Variants in NRXN3 observed in about 807,000 individuals in gnomAD.
NRXN3 encodes the protein neurexin III.
Under a neutral mutation model 137.6 loss-of-function variants are expected in NRXN3, and 32 were observed. That is an observed-to-expected ratio of 0.23 (90% CI 0.18 to 0.31). The LOEUF is 0.31. Ranked by LOEUF, NRXN3 falls within the 10% of genes least tolerant of loss-of-function variation. The probability of loss-of-function intolerance (pLI) is 1.00; values close to 1 mark genes in which losing one functional copy is unlikely to be tolerated. For synonymous variants in NRXN3, 798 were observed against 784.5 expected (o/e 1.02, Z -0.29); for missense variants, 1,574 against 2,062.5 (o/e 0.76, Z 4.59).
At chr14:78,629,885 T>C (rs1858362891) in intron 4 of NRXN3, among the ~76,000 whole-genome samples, 2 of 152,254 alleles carry the variant, frequency 1.3e-5, no homozygotes, top group East Asian at 1.9e-4. Flanking sequence ...ATTGTTCATG[T>C]AATTACTAGT....
intron 4 of NRXN3, among the ~76,000 whole-genome samples, chr14:78,327,967 TG>T (rs34461711): frequency 0.44 from 67,255 of 151,960 alleles, 15,083 homozygotes; most frequent in East Asian, 0.68. Context: ...ACAATGTGTA[TG>T]GGCTGCAAAA....
At chr14:78,800,647 T>C (rs1050741587) in intron 8 of NRXN3, among the ~76,000 whole-genome samples, 2 of 152,250 alleles carry the variant, frequency 1.3e-5, no homozygotes, top group African/African-American at 4.8e-5. Context: ...TTTTCAGGAC[T>C]ATCATAAGTG....
intron 19 of NRXN3, 70 bp downstream of exon 19, chr14:79,698,007 CT>C: frequency 7.4e-7 from 1 of 1,356,494 alleles, no homozygotes; most frequent in Non-Finnish European, 1.0e-6. Context: ...ATGGTCATTG[CT>C]TTATGTAGCT....
At chr14:78,479,985 CA>C (rs1417174037) in intron 4 of NRXN3, among the ~76,000 whole-genome samples, 1 of 151,972 alleles carries the variant, frequency 6.6e-6, no homozygotes, top group Non-Finnish European at 1.5e-5. Flanking sequence ...CTAAAAAATA[CA>C]AAAATTAGCC....
chr14:79,504,200 C>T (rs2096851114), intron 16 of NRXN3, among the ~76,000 whole-genome samples: 1 of 152,180 alleles, frequency 6.6e-6, no homozygotes, highest in Non-Finnish European at 1.5e-5. Context: ...ACTCTAAGCA[C>T]TTAAGACAAA....
chr14:79,754,470 A>G (rs982463698), intron 19 of NRXN3, among the ~76,000 whole-genome samples: 5 of 141,420 alleles, frequency 3.5e-5, no homozygotes, highest in Non-Finnish European at 7.6e-5. Context: ...CCCTTGATGG[A>G]TACAGAGGGA....
intron 16 of NRXN3, among the ~76,000 whole-genome samples, chr14:79,475,337 A>G (rs998749500): frequency 6.6e-6 from 1 of 152,150 alleles, no homozygotes; most frequent in Non-Finnish European, 1.5e-5. Flanking sequence ...TTTCTCATTT[A>G]TGGTTCATAC....
At chr14:78,868,137 G>A (rs570899358) in intron 10 of NRXN3, among the ~76,000 whole-genome samples, 4 of 151,286 alleles carry the variant, frequency 2.6e-5, no homozygotes, top group South Asian at 4.2e-4. Context: ...TATTACAGGA[G>A]CCTTATCCAG....
In NRXN3 at chr14:79,866,062, G is replaced by T. The variant is rs1219705071; in HGVS notation, c.*4098G>T. On this transcript the variant is annotated 3_prime_UTR_variant, in exon 21 of 21. Transcript: ENST00000335750. ...GTCTACTATTGGCTATTGTTACTTT[G>T]TTTCAATGAAGGCAGAAAATGGCTA... The T allele has an allele frequency of 1.3e-5, 2 of 152,066 alleles. No homozygotes were observed. Among genetic ancestry groups the T allele is most frequent in the Non-Finnish European group, 2.9e-5 (2 of 67,990 alleles). 9.4% of individuals were successfully genotyped at this position (152,066 alleles called of 1,614,324 possible).
intron 15 of NRXN3, among the ~76,000 whole-genome samples, chr14:79,098,971 A>G (rs2050810300): frequency 6.6e-6 from 1 of 152,154 alleles, no homozygotes; most frequent in Non-Finnish European, 1.5e-5. Context: ...TCACCCTTTA[A>G]TCAATCGATT....
At chr14:78,679,229 C>T (rs1224345310) in intron 6 of NRXN3, among the ~76,000 whole-genome samples, 1 of 152,190 alleles carries the variant, frequency 6.6e-6, no homozygotes, top group Non-Finnish European at 1.5e-5. Flanking sequence ...TCCTTATCTT[C>T]TCTCTAGAGT....
At chr14:78,884,055 A>G (rs1192448916) in intron 10 of NRXN3, among the ~76,000 whole-genome samples, 1 of 152,184 alleles carries the variant, frequency 6.6e-6, no homozygotes, top group Non-Finnish European at 1.5e-5. Context: ...TGTATCCCTT[A>G]AAATAAAAAC....
chr14:78,566,627 G>A (rs1054071958), intron 4 of NRXN3, among the ~76,000 whole-genome samples: 3 of 152,158 alleles, frequency 2.0e-5, no homozygotes, highest in Non-Finnish European at 4.4e-5. Flanking sequence ...CGAGCTCTGC[G>A]TGCTTGCCCC....
rs151197180 is a variant in NRXN3, at chr14:78,702,451, C to CTTTTCTTTTTTTTTTTTTTTTTTTTTT, written c.1222-6764_1222-6763insTTCTTTTTTTTTTTTTTTTTTTTTTTT. Among the ~76,000 whole-genome samples, 9 of 122,700 alleles carry CTTTTCTTTTTTTTTTTTTTTTTTTTTT rather than the reference C, an allele frequency of 7.3e-5. 4 individuals are homozygous for CTTTTCTTTTTTTTTTTTTTTTTTTTTT. Among genetic ancestry groups the CTTTTCTTTTTTTTTTTTTTTTTTTTTT allele is most frequent in the African/African-American group, 9.2e-5 (3 of 32,754 alleles). 80.5% of individuals were successfully genotyped at this position (122,700 alleles called of 152,430 possible). The stretch of plus-strand genomic sequence containing the variant: ...AAGAGAGAATCTTTCTTTTTCTTTT[C>CTTTTCTTTTTTTTTTTTTTTTTTTTTT]TTATTTTTTTTGAGATGGAGTCTCA... On this transcript the variant is annotated intron_variant, in intron 6 of 20. Transcript: ENST00000335750.
rs575737954 is a variant in NRXN3, at chr14:78,339,413, C to G, written c.757+41553C>G. Among the ~76,000 whole-genome samples the G allele has an allele frequency of 2.6e-5, 4 of 152,290 alleles. No individual in the cohort carries two copies. In the South Asian group the frequency reaches 8.3e-4, roughly 32 times the overall value. ...ATTCCATAGCTCTGTGACAAACAGA[C>G]ACAGGCCCTTAGAGAGGAGGTGCAC... On this transcript the variant is annotated intron_variant, in intron 4 of 20. Coordinates refer to ENST00000335750, the MANE Select transcript of NRXN3 (RefSeq NM_001330195.2).
At chr14:79,096,427 T>A (rs2050350233) in intron 15 of NRXN3, among the ~76,000 whole-genome samples, 1 of 152,186 alleles carries the variant, frequency 6.6e-6, no homozygotes, top group Non-Finnish European at 1.5e-5. Context: ...CTCTTTTTTT[T>A]AATGAGCAAT....
At chr14:78,493,243 C>A (rs980483315) in intron 4 of NRXN3, among the ~76,000 whole-genome samples, 1 of 150,970 alleles carries the variant, frequency 6.6e-6, no homozygotes, top group Non-Finnish European at 1.5e-5. Flanking sequence ...CAGGAGGGGT[C>A]AGGCATTGTG....
intron 15 of NRXN3, among the ~76,000 whole-genome samples, chr14:79,291,678 A>G (rs74499409): frequency 0.021 from 3,094 of 147,662 alleles, 75 homozygotes; most frequent in South Asian, 0.08. Flanking sequence ...ATTGTGCCTT[A>G]TATTACCTAT....
chr14:79,555,775 T>C (rs1277242553), intron 16 of NRXN3, among the ~76,000 whole-genome samples: 1 of 152,202 alleles, frequency 6.6e-6, no homozygotes, highest in East Asian at 1.9e-4. Context: ...GCTATTTCAT[T>C]GTTGCTGGAG....
Sources: allele counts gnomAD v4.1 joint callset (sites outside exome capture counted in the v4.1 genomes callset), GRCh38; gene constraint gnomAD v4.1.1; transcripts MANE v1.5; gene names NCBI Gene and HGNC (gene_info 2026-07-23, HGNC 2026-07-21).